Variants in SLC2A13 observed in about 807,000 individuals in gnomAD.
SLC2A13 encodes solute carrier family 2 member 13.
A neutral mutation model predicts 64.4 loss-of-function variants in SLC2A13; 32 were observed. The ratio of observed to expected loss-of-function variants is 0.50; its 90% confidence interval spans 0.37 to 0.67. The LOEUF is 0.67. SLC2A13 is among the 30% of genes least tolerant of loss of function. SLC2A13 has a pLI of 0.00. For synonymous variants in SLC2A13, 338 were observed against 327.1 expected (o/e 1.03, Z -0.36); for missense variants, 743 against 829.2 (o/e 0.90, Z 1.28).
At chr12:39,909,941 AC>A (rs1945389576) in intron 4 of SLC2A13, among the ~76,000 whole-genome samples, 2 of 151,472 alleles carry the variant, frequency 1.3e-5, no homozygotes. Context: ...TTCCCATTCA[AC>A]TCCTAGTTCC....
intron 2 of SLC2A13, among the ~76,000 whole-genome samples, chr12:40,032,366 T>C (rs1045042185): frequency 2.6e-5 from 4 of 152,234 alleles, no homozygotes; most frequent in African/African-American, 9.6e-5. Context: ...TAGTATGTTC[T>C]TTACCATCAT....
chr12:39,785,787 C>A (rs1194987043), intron 7 of SLC2A13, among the ~76,000 whole-genome samples: 1 of 152,118 alleles, frequency 6.6e-6, no homozygotes, highest in African/African-American at 2.4e-5. Context: ...GGATGTGAGA[C>A]CTGGAATCAA....
intron 3 of SLC2A13, among the ~76,000 whole-genome samples, chr12:39,988,709 G>GGAAT (rs1172821209): frequency 9.0e-6 from 1 of 110,746 alleles, no homozygotes; most frequent in African/African-American, 4.1e-5. Context: ...AAGGAAGGAA[G>GGAAT]GAAGGAAGGA....
chr12:40,082,252 CAGG>C (rs1016318660), intron 1 of SLC2A13, among the ~76,000 whole-genome samples: 15 of 152,316 alleles, frequency 9.8e-5, no homozygotes, highest in African/African-American at 3.6e-4. Flanking sequence ...AGTTAAAAGC[CAGG>C]AGGTTAAGAA....
intron 6 of SLC2A13, among the ~76,000 whole-genome samples, chr12:39,847,535 G>A (rs994251252): frequency 6.6e-6 from 1 of 152,040 alleles, no homozygotes; most frequent in African/African-American, 2.4e-5. Context: ...TTGCTTCACA[G>A]GAATGCTATG....
At chr12:39,901,083 T>C (rs192792056) in intron 4 of SLC2A13, among the ~76,000 whole-genome samples, 113 of 152,198 alleles carry the variant, frequency 7.4e-4, no homozygotes, top group African/African-American at 2.6e-3. Context: ...AAACAAGCAA[T>C]GGGGAAAGGA....
intron 3 of SLC2A13, among the ~76,000 whole-genome samples, chr12:40,024,944 C>A (rs1947780315): frequency 6.6e-6 from 1 of 152,216 alleles, no homozygotes. Flanking sequence ...ATTCTTCCAT[C>A]TCCCTGTCTC....
At chr12:39,764,935 T>C in intron 7 of SLC2A13, 77 bp from the exon 8 acceptor site, 7 of 1,500,838 alleles carry the variant, frequency 4.7e-6, no homozygotes, top group African/African-American at 1.4e-5. Context: ...ATCATATTTA[T>C]GTATTTGGAA....
At chr12:40,008,943 C>T (rs1947471826) in intron 3 of SLC2A13, among the ~76,000 whole-genome samples, 2 of 152,094 alleles carry the variant, frequency 1.3e-5, no homozygotes, top group South Asian at 4.1e-4. Context: ...AACACATAAA[C>T]AGAATGTGAC....
chr12:39,791,175 C>G (rs1249851384), intron 7 of SLC2A13, among the ~76,000 whole-genome samples: 2 of 151,760 alleles, frequency 1.3e-5, no homozygotes, highest in Non-Finnish European at 2.9e-5. Context: ...ATTCAACAAC[C>G]CTTCATGCTA....
At chr12:39,964,268 A>T (rs1160018727) in intron 3 of SLC2A13, among the ~76,000 whole-genome samples, 1 of 152,202 alleles carries the variant, frequency 6.6e-6, no homozygotes, top group Non-Finnish European at 1.5e-5. Context: ...AAAAAGAAAA[A>T]CTATTGAATT....
At chr12:40,031,060 G>A (rs992785315) in intron 2 of SLC2A13, among the ~76,000 whole-genome samples, 5 of 152,044 alleles carry the variant, frequency 3.3e-5, no homozygotes, top group East Asian at 1.9e-4. Context: ...TACCTTTCAC[G>A]ATGAAAATAT....
rs1025966082 is a variant in SLC2A13, at chr12:39,903,806, A to C, written c.1035-31845T>G. Among the ~76,000 whole-genome samples, 5 of 152,224 alleles carry C rather than the reference A, an allele frequency of 3.3e-5. 1 individual carries two copies. Among genetic ancestry groups the C allele is most frequent in the Admixed American group, 3.3e-4 (5 of 15,264 alleles). On this transcript the variant is annotated intron_variant, in intron 4 of 9. Coordinates refer to ENST00000280871, the MANE Select transcript of SLC2A13 (RefSeq NM_052885.4). ...AATCAAATAATTCCCATTTAGCTTA[A>C]GTTTTCTATCACTCAAAACTAATGG... is the stretch of plus-strand genomic sequence containing the variant.
intron 4 of SLC2A13, among the ~76,000 whole-genome samples, chr12:39,892,031 A>G (rs1944623589): frequency 6.6e-6 from 1 of 152,204 alleles, no homozygotes; most frequent in Non-Finnish European, 1.5e-5. Flanking sequence ...CTACTCTCCT[A>G]TAAAGAAGAG....
At chr12:40,091,902 G>A (rs934572181) in intron 1 of SLC2A13, among the ~76,000 whole-genome samples, 1 of 152,154 alleles carries the variant, frequency 6.6e-6, no homozygotes, top group Non-Finnish European at 1.5e-5. Context: ...CAGGAATTAC[G>A]TTTAACTTTT....
In SLC2A13 at chr12:39,835,103, G is replaced by A. The variant is rs574189681; in HGVS notation, c.1320-4875C>T. On this transcript the variant is annotated intron_variant, in intron 6 of 9. Coordinates refer to ENST00000280871, the MANE Select transcript of SLC2A13 (RefSeq NM_052885.4). Reference sequence around the variant, plus strand: ...ATTGGCACAAAGTCAATGCTCATAAGAATACTCTAAGCATAGACTAAAATC... The same window carrying A: ...ATTGGCACAAAGTCAATGCTCATAAAAATACTCTAAGCATAGACTAAAATC... Among the ~76,000 whole-genome samples, 8 of 152,168 alleles carry A rather than the reference G, an allele frequency of 5.3e-5. No individual in the cohort carries two copies. The East Asian group carries it at 1.2e-3, about 22-fold the overall frequency.
intron 4 of SLC2A13, among the ~76,000 whole-genome samples, chr12:39,897,898 T>C (rs1473858965): frequency 6.6e-6 from 1 of 152,132 alleles, no homozygotes; most frequent in Non-Finnish European, 1.5e-5. Context: ...ATATAAGACA[T>C]TTTTATGTAG....
chr12:39,843,002 T>A (rs1943215379), intron 6 of SLC2A13, among the ~76,000 whole-genome samples: 1 of 152,046 alleles, frequency 6.6e-6, no homozygotes, highest in South Asian at 2.1e-4. Context: ...TTCATGTATC[T>A]ATTTGTCAGC....
chr12:39,920,916 A>G (rs1361511284), intron 4 of SLC2A13, among the ~76,000 whole-genome samples: 1 of 152,020 alleles, frequency 6.6e-6, no homozygotes, highest in Non-Finnish European at 1.5e-5. Flanking sequence ...TCCTGCCCTC[A>G]TTAGACAGTG....
Sources: allele counts gnomAD v4.1 joint callset (sites outside exome capture counted in the v4.1 genomes callset), GRCh38; gene constraint gnomAD v4.1.1; transcripts MANE v1.5; gene names NCBI Gene and HGNC (gene_info 2026-07-23, HGNC 2026-07-21).